The following SLC2A13 variants were observed in gnomAD, a reference collection of about 807,000 sequenced individuals.
SLC2A13 encodes the protein proton myo-inositol cotransporter.
In SLC2A13, 32 loss-of-function variants were observed where a neutral mutation model predicts 64.4. The ratio of observed to expected loss-of-function variants is 0.50; its 90% CI spans 0.37 to 0.67. The LOEUF is 0.67. SLC2A13 is among the 30% of genes least tolerant of loss of function. SLC2A13 has a pLI of 0.00. For missense variants in SLC2A13, 743 were observed against 829.2 expected (o/e 0.90, Z 1.28); for synonymous variants, 338 against 327.1 (o/e 1.03, Z -0.36).
At chr12:40,089,328 T>C (rs1938686681) in intron 1 of SLC2A13, among the ~76,000 whole-genome samples, 1 of 152,184 alleles carries the variant, frequency 6.6e-6, no homozygotes, top group African/African-American at 2.4e-5. Flanking sequence ...AACTCAGGTG[T>C]TGTCAGTGAG....
intron 3 of SLC2A13, among the ~76,000 whole-genome samples, chr12:39,989,054 A>G (rs923215425): frequency 6.6e-6 from 1 of 152,190 alleles, no homozygotes; most frequent in African/African-American, 2.4e-5. Context: ...GAGCCTTTGT[A>G]AACCTAAGTC....
At chr12:40,083,792 G>A (rs748351515) in intron 1 of SLC2A13, among the ~76,000 whole-genome samples, 4 of 152,192 alleles carry the variant, frequency 2.6e-5, no homozygotes, top group Non-Finnish European at 5.9e-5. Context: ...GATACAAACA[G>A]TAAATTCACT....
chr12:40,054,474 G>A (rs1374688612), intron 1 of SLC2A13, among the ~76,000 whole-genome samples: 1 of 149,724 alleles, frequency 6.7e-6, no homozygotes, highest in Admixed American at 6.7e-5. Context: ...GCTTATTAGA[G>A]TAAACATAAC....
At chr12:40,059,679 C>T (rs1271997851) in intron 1 of SLC2A13, among the ~76,000 whole-genome samples, 4 of 152,132 alleles carry the variant, frequency 2.6e-5, no homozygotes, top group African/African-American at 9.7e-5. Context: ...GTTTCCTGGG[C>T]CTTTTATGGA....
intron 3 of SLC2A13, among the ~76,000 whole-genome samples, chr12:39,985,565 G>C (rs139173535): frequency 1.1e-4 from 17 of 152,212 alleles, no homozygotes; most frequent in African/African-American, 4.1e-4. Context: ...TCAGTGCATA[G>C]GAATTCAGTG....
intron 3 of SLC2A13, among the ~76,000 whole-genome samples, chr12:40,012,512 A>C (rs1179301384): frequency 1.3e-5 from 2 of 152,200 alleles, no homozygotes; most frequent in African/African-American, 4.8e-5. Context: ...AGAAGGTCAG[A>C]ATGTGTGTTG....
chr12:39,882,766 C>T (rs1424354751), intron 4 of SLC2A13, among the ~76,000 whole-genome samples: 1 of 131,494 alleles, frequency 7.6e-6, no homozygotes, highest in Non-Finnish European at 1.7e-5. Context: ...CTTCTAAATT[C>T]CTTCTACATT....
At chr12:39,840,298 C>T (rs1943147918) in intron 6 of SLC2A13, among the ~76,000 whole-genome samples, 2 of 152,034 alleles carry the variant, frequency 1.3e-5, no homozygotes, top group Admixed American at 1.3e-4. Flanking sequence ...CTCAGCTGGG[C>T]TCTTCCAATA....
intron 6 of SLC2A13, among the ~76,000 whole-genome samples, chr12:39,856,603 G>A (rs1174660123): frequency 1.3e-5 from 2 of 152,080 alleles, no homozygotes; most frequent in Admixed American, 6.5e-5. Flanking sequence ...TCTTGACCTC[G>A]TGATTTGCCC....
intron 3 of SLC2A13, among the ~76,000 whole-genome samples, chr12:39,963,319 G>T (rs1414955357): frequency 6.1e-5 from 9 of 148,136 alleles, no homozygotes; most frequent in African/African-American, 9.9e-5. Flanking sequence ...CCAATAAATT[G>T]TATAGGTTTT....
rs1284757709 is a variant in SLC2A13, at chr12:39,757,174, C to T, written c.*2852G>A. 6.6e-5 allele frequency: 10 copies of T among 151,628 alleles called. No homozygotes were observed. The highest frequency in any genetic ancestry group is 3.0e-5 in the Non-Finnish European group (2 of 67,642). The allele number at this position is 151,628 out of a possible 1,614,324, so 9.4% of individuals were successfully genotyped here. A position where few individuals can be genotyped will look rare whatever the true frequency, so the allele number is the denominator to read the frequency against. ...AGTCTAGTGCAGATCAGACATCCAG[C>T]CTCAATAGGGATTTGGACCTTCTTC... On this transcript the variant is annotated 3_prime_UTR_variant, in exon 10 of 10. Transcript: ENST00000280871.
At chr12:40,077,928 G>A (rs1284556496) in intron 1 of SLC2A13, among the ~76,000 whole-genome samples, 1 of 151,996 alleles carries the variant, frequency 6.6e-6, no homozygotes, top group Non-Finnish European at 1.5e-5. Context: ...GAATGGGATT[G>A]CATTCTTGAT....
At chr12:39,834,349 G>A (rs747114384) in intron 6 of SLC2A13, among the ~76,000 whole-genome samples, 2 of 151,968 alleles carry the variant, frequency 1.3e-5, no homozygotes, top group African/African-American at 4.8e-5. Flanking sequence ...ATCCATATCT[G>A]TCCTCACCTC....
At chr12:39,892,009 C>T (rs529642469) in intron 4 of SLC2A13, among the ~76,000 whole-genome samples, 1 of 152,204 alleles carries the variant, frequency 6.6e-6, no homozygotes, top group Admixed American at 6.5e-5. Flanking sequence ...TCTATTAATT[C>T]ATACATTAAT....
At chr12:39,931,164 T>C (rs541493370) in intron 4 of SLC2A13, among the ~76,000 whole-genome samples, 1 of 152,322 alleles carries the variant, frequency 6.6e-6, no homozygotes, top group African/African-American at 2.4e-5. Context: ...TGTCCAAACA[T>C]ACAGCTTACT....
chr12:39,781,265 C>G (rs939715949), intron 7 of SLC2A13, among the ~76,000 whole-genome samples: 1 of 152,188 alleles, frequency 6.6e-6, no homozygotes, highest in African/African-American at 2.4e-5. Context: ...TTAAAATTCA[C>G]TCTATCCTCC....
intron 1 of SLC2A13, among the ~76,000 whole-genome samples, chr12:40,101,251 A>G (rs1258535135): frequency 2.0e-5 from 3 of 152,132 alleles, no homozygotes; most frequent in Non-Finnish European, 4.4e-5. Flanking sequence ...TTTTTTTACA[A>G]CCAGTCAAGA....
chr12:39,906,127 CA>C (rs1945271396), intron 4 of SLC2A13, among the ~76,000 whole-genome samples: 1 of 7,390 alleles, frequency 1.4e-4, no homozygotes, highest in Non-Finnish European at 8.8e-3. Flanking sequence ...CTTGCAGATA[CA>C]GAACTTTGAA....
At position 39,832,807 on chromosome 12, in the gene SLC2A13, AC is replaced by A. The variant is rs553215008; in HGVS notation, c.1320-2580del. Among the ~76,000 whole-genome samples, 17 of 152,072 alleles carry A rather than the reference AC, an allele frequency of 1.1e-4. No individual in the cohort carries two copies. In the South Asian group the frequency reaches 3.3e-3, roughly 30 times the overall value. Reference sequence around the variant, plus strand: ...CCCTTCTCCTCTATCATTCCATTATACCCATCTGGTAAAAATCCTAGCCCTA... The same window carrying A: ...CCCTTCTCCTCTATCATTCCATTATACCATCTGGTAAAAATCCTAGCCCTA... On this transcript the variant is annotated intron_variant, in intron 6 of 9. Transcript: ENST00000280871.
Sources: gnomAD v4.1 joint callset for allele counts (sites outside exome capture counted in the v4.1 genomes callset) on GRCh38, gnomAD v4.1.1 for gene constraint, MANE v1.5 for transcripts, NCBI Gene and HGNC (gene_info 2026-07-23, HGNC 2026-07-21) for gene names.